HSPA12A: variants seen among roughly 807,000 people sequenced by gnomAD.
HSPA12A encodes heat shock protein family A (Hsp70) member 12A, also known as heat shock 70 kDa protein 12A.
A neutral mutation model predicts 69.2 loss-of-function variants in HSPA12A; 28 were observed. That is an observed-to-expected ratio of 0.40 (90% confidence interval 0.30 to 0.55). HSPA12A has a LOEUF of 0.55. Among genes scored for constraint, HSPA12A ranks in the 20% least tolerant of loss-of-function variants. The pLI is 0.38. For missense variants in HSPA12A, 686 were observed against 900.7 expected, an observed-to-expected ratio of 0.76 and a Z score of 3.05; for synonymous variants, 345 against 370.5, an observed-to-expected ratio of 0.93 and a Z score of 0.79.
At chr10:116,721,249 C>T (rs1554884342) in intron 1 of HSPA12A, among the ~76,000 whole-genome samples, 1 of 152,146 alleles carries the variant, frequency 6.6e-6, no homozygotes, top group Non-Finnish European at 1.5e-5. Flanking sequence ...AACTTCAGAG[C>T]AGTAAAGAGA....
At chr10:116,746,452 CA>C (rs1554887824), upstream of HSPA12A, among the ~76,000 whole-genome samples, 1 of 152,140 alleles carries the variant, frequency 6.6e-6, no homozygotes, top group African/African-American at 2.4e-5. Context: ...GCATCAGGAC[CA>C]AGAATGAGAA....
chr10:116,755,885 G>C (rs1219407327), intron 2 of HSPA12A, among the ~76,000 whole-genome samples: 2 of 152,030 alleles, frequency 1.3e-5, no homozygotes, highest in African/African-American at 4.8e-5. Flanking sequence ...CATCTACTTG[G>C]GAGGCTGAAG....
At chr10:116,741,854 C>T (rs1402109185) in intron 1 of HSPA12A, among the ~76,000 whole-genome samples, 1 of 152,194 alleles carries the variant, frequency 6.6e-6, no homozygotes, top group Admixed American at 6.5e-5. Flanking sequence ...TGGGGATGGG[C>T]GGGGAGGTGG....
intron 2 of HSPA12A, among the ~76,000 whole-genome samples, chr10:116,825,583 G>GA (rs1445874395): frequency 6.6e-6 from 1 of 152,044 alleles, no homozygotes; most frequent in African/African-American, 2.4e-5. Flanking sequence ...TATGCTAAAC[G>GA]AAAGAAGCAG....
intron 2 of HSPA12A, 98 bp downstream of exon 2, chr10:116,707,102 C>T (rs1554882529): frequency 7.2e-6 from 7 of 972,540 alleles, no homozygotes; most frequent in African/African-American, 1.7e-5. Context: ...AGATCAGACC[C>T]AGAATGCAAA....
chr10:116,782,668 A>C (rs1844489109), intron 2 of HSPA12A, among the ~76,000 whole-genome samples: 1 of 152,228 alleles, frequency 6.6e-6, no homozygotes, highest in Non-Finnish European at 1.5e-5. Flanking sequence ...CTATTCAGGT[A>C]GGGCTCATAG....
intron 2 of HSPA12A, among the ~76,000 whole-genome samples, chr10:116,802,198 T>C (rs1281028747): frequency 2.6e-5 from 4 of 152,286 alleles, no homozygotes; most frequent in Non-Finnish European, 4.4e-5. Context: ...ATGGTTGTCA[T>C]TGAAAAATCT....
chr10:116,707,090 T>G, intron 2 of HSPA12A, 110 bp downstream of exon 2: 57 of 858,736 alleles, frequency 6.6e-5, no homozygotes, highest in Non-Finnish European at 9.1e-5. Flanking sequence ...GCCTGAACTG[T>G]GAGATCAGAC....
chr10:116,784,364 G>C (rs575999892), intron 2 of HSPA12A, among the ~76,000 whole-genome samples: 4 of 152,240 alleles, frequency 2.6e-5, no homozygotes, highest in African/African-American at 9.6e-5. Flanking sequence ...AAAGTCCATT[G>C]CCTGATTTCT....
rs542940060 is a variant in HSPA12A at position 116,686,315 on chromosome 10, T to C, written c.664-2353A>G. 2.2e-4 allele frequency among the ~76,000 whole-genome samples: 34 copies of C among 152,316 alleles called. No homozygotes were observed. The highest frequency in any genetic ancestry group is 8.2e-4 in the African/African-American group (34 of 41,550). ...GGGGCCCCTTCCGAGGGACAGCTCC[T>C]GTGCTGATTCTTCCATCCTTGAGGT... On this transcript the variant is annotated intron_variant, in intron 6 of 11. Coordinates refer to ENST00000369209, the MANE Select transcript of HSPA12A (RefSeq NM_025015.3). The surrounding 1 kb of genome is among the most constrained non-coding windows in gnomAD (Gnocchi z 4.1).
chr10:116,839,432 G>C (rs1337489859), intron 1 of HSPA12A, among the ~76,000 whole-genome samples: 1 of 151,970 alleles, frequency 6.6e-6, no homozygotes, highest in Admixed American at 6.6e-5. Flanking sequence ...AGTAGCCAAA[G>C]GAGTCTTCCC....
intron 2 of HSPA12A, among the ~76,000 whole-genome samples, chr10:116,706,051 C>G (rs1184670067): frequency 6.6e-6 from 1 of 151,978 alleles, no homozygotes; most frequent in Admixed American, 6.6e-5. Flanking sequence ...CCCGCCACCA[C>G]ACCCGGCTAA....
chr10:116,674,663 C>T lies in HSPA12A; in HGVS notation c.*118G>A. ...TCTAGCCCTGATTGTTCTCATCTTC[C>T]CTGCTGAAATTCACATGGGCAATGG... On this transcript the variant is annotated 3_prime_UTR_variant, in exon 12 of 12. Transcript: ENST00000369209. 1 of 1,012,082 alleles carries T rather than the reference C, an allele frequency of 9.9e-7. No individual in the cohort carries two copies. The highest frequency in any genetic ancestry group is 1.4e-6 in the Non-Finnish European group (1 of 691,690). 62.7% of individuals were successfully genotyped at this position (1,012,082 alleles called of 1,614,324 possible).
At chr10:116,679,222 G>T (rs1215881613) in intron 10 of HSPA12A, among the ~76,000 whole-genome samples, 1 of 152,220 alleles carries the variant, frequency 6.6e-6, no homozygotes, top group East Asian at 1.9e-4. Context: ...TCTGTTTTTA[G>T]CAAACACATA....
chr10:116,809,990 T>C (rs1450085958), intron 2 of HSPA12A, among the ~76,000 whole-genome samples: 1 of 152,140 alleles, frequency 6.6e-6, no homozygotes, highest in Non-Finnish European at 1.5e-5. Context: ...TGCAAGGCTA[T>C]GTGGACCAGA....
intron 2 of HSPA12A, among the ~76,000 whole-genome samples, chr10:116,788,337 C>A (rs181098332): frequency 9.9e-5 from 15 of 152,246 alleles, no homozygotes; most frequent in Admixed American, 2.0e-4. Context: ...CATTTAATAC[C>A]GAAGCGAAAA....
chr10:116,833,983 T>C (rs982098279), intron 2 of HSPA12A, among the ~76,000 whole-genome samples: 3 of 152,194 alleles, frequency 2.0e-5, no homozygotes, highest in African/African-American at 4.8e-5. Context: ...ATAACCCAAA[T>C]TGCTGATTTA....
At chr10:116,713,354 C>T (rs1850503570) in intron 1 of HSPA12A, among the ~76,000 whole-genome samples, 1 of 152,046 alleles carries the variant, frequency 6.6e-6, no homozygotes, top group African/African-American at 2.4e-5. Flanking sequence ...ATTTTATTGG[C>T]ATGAACCAGG....
chr10:116,821,701 C>G (rs1845411482), intron 2 of HSPA12A, among the ~76,000 whole-genome samples: 1 of 152,206 alleles, frequency 6.6e-6, no homozygotes, highest in Non-Finnish European at 1.5e-5. Flanking sequence ...TGGCTCCACG[C>G]TGATCCACCC....
Sources: allele counts gnomAD v4.1 joint callset (sites outside exome capture counted in the v4.1 genomes callset), GRCh38; gene constraint gnomAD v4.1.1; non-coding constraint Gnocchi (gnomAD v3.1); transcripts MANE v1.5; gene names NCBI Gene and HGNC (gene_info 2026-07-23, HGNC 2026-07-21).